The following AAGAB variants were observed in gnomAD, a reference collection of about 807,000 sequenced individuals.
AAGAB encodes the protein alpha and gamma adaptin binding protein.
A neutral mutation model predicts 44.1 loss-of-function variants in AAGAB; 38 were observed. That is an observed-to-expected ratio of 0.86 (90% CI 0.67 to 1.13). AAGAB has a LOEUF of 1.13. Among genes scored for constraint, AAGAB ranks in the 50% most tolerant of loss-of-function variants. The pLI, the probability that AAGAB is intolerant of heterozygous loss-of-function variation, is 0.00. For synonymous variants in AAGAB, 131 were observed against 131.8 expected (o/e 0.99, Z 0.04); for missense variants, 450 against 373.8 (o/e 1.20, Z -1.68).
chr15:67,202,868 C>T lies in AAGAB; in HGVS notation c.901G>A (p.Gly301Arg), dbSNP rs373958762. Reference protein sequence around the residue: ...VAKAFWMAIGGDRDEIEGLSS... With the variant: ...VAKAFWMAIGRDRDEIEGLSS... ...AGGCCTTCAATTTCATCTCTGTCTC[C>T]CCCGATTGCCATCCAGAATGCTTTG... The change falls in exon 10 of 10, where the codon GGA becomes AGA. Residue 301 changes from glycine (G) to arginine (R), a missense_variant. Coordinates refer to ENST00000261880, the MANE Select transcript of AAGAB (RefSeq NM_024666.5). The T allele has an allele frequency of 7.4e-6, 12 of 1,613,910 alleles. No homozygotes were observed. The highest frequency in any genetic ancestry group is 4.0e-5 in the African/African-American group (3 of 74,876).
At chr15:67,250,686 G>GT (rs1424838397) in intron 1 of AAGAB, among the ~76,000 whole-genome samples, 1 of 152,154 alleles carries the variant, frequency 6.6e-6, no homozygotes, top group Non-Finnish European at 1.5e-5. Context: ...CTCATATCGT[G>GT]TATTACAAGT....
intron 5 of AAGAB, among the ~76,000 whole-genome samples, chr15:67,226,457 T>C (rs1251754616): frequency 6.6e-6 from 1 of 152,200 alleles, no homozygotes; most frequent in African/African-American, 2.4e-5. Context: ...TACTGGCCAT[T>C]TGTGTATTTT....
chr15:67,237,506 A>C (rs1167886285), intron 1 of AAGAB, among the ~76,000 whole-genome samples: 1 of 152,218 alleles, frequency 6.6e-6, no homozygotes, highest in East Asian at 1.9e-4. Context: ...TCTTTTGGAA[A>C]TCTATGTGCA....
intron 7 of AAGAB, among the ~76,000 whole-genome samples, chr15:67,207,478 T>C (rs1167900051): frequency 6.6e-6 from 1 of 152,238 alleles, no homozygotes; most frequent in East Asian, 1.9e-4. Flanking sequence ...ATTTGTAACC[T>C]TTTTCCTCTG....
At chr15:67,215,304 T>G (rs548283742) in intron 5 of AAGAB, among the ~76,000 whole-genome samples, 1 of 152,214 alleles carries the variant, frequency 6.6e-6, no homozygotes, top group African/African-American at 2.4e-5. Flanking sequence ...TGCTGAAATA[T>G]CCGCTGAATG....
chr15:67,238,719 G>A (rs1020639386), intron 1 of AAGAB, among the ~76,000 whole-genome samples: 11 of 138,142 alleles, frequency 8.0e-5, no homozygotes, highest in East Asian at 2.4e-4. Context: ...TTTTTGAGAC[G>A]GAGTCTCGCT....
chr15:67,248,983 CAAGTT>C (rs1385337253), intron 1 of AAGAB, among the ~76,000 whole-genome samples: 1 of 152,114 alleles, frequency 6.6e-6, no homozygotes, highest in Admixed American at 6.5e-5. Context: ...AACATTAAGT[CAAGTT>C]AAGAAGCATT....
intron 1 of AAGAB, 138 bp from the exon 2 acceptor site, chr15:67,236,958 T>C (rs1044214534): frequency 1.1e-5 from 7 of 615,300 alleles, no homozygotes; most frequent in African/African-American, 7.4e-5. Flanking sequence ...CCTGCATTTA[T>C]TAGCTTTAAT....
intron 1 of AAGAB, among the ~76,000 whole-genome samples, chr15:67,246,790 A>G (rs1372709750): frequency 1.3e-5 from 2 of 152,022 alleles, no homozygotes; most frequent in Non-Finnish European, 2.9e-5. Context: ...AAACGCACCA[A>G]TCAGCACTCT....
intron 5 of AAGAB, among the ~76,000 whole-genome samples, chr15:67,223,579 T>A (rs1321859693): frequency 6.6e-6 from 1 of 152,124 alleles, no homozygotes; most frequent in South Asian, 2.1e-4. Flanking sequence ...ATCTGAGCCA[T>A]CACTCTCTTT....
chr15:67,242,844 G>A (rs567638359), intron 1 of AAGAB: 11 of 152,294 alleles, frequency 7.2e-5, no homozygotes, highest in African/African-American at 2.4e-4. Flanking sequence ...GAGTAGCATA[G>A]ACTTGCTGAG....
chr15:67,228,534 A>C (rs1185154425), intron 5 of AAGAB, among the ~76,000 whole-genome samples: 1 of 152,242 alleles, frequency 6.6e-6, no homozygotes, highest in East Asian at 1.9e-4. Context: ...TGGGACTGTA[A>C]ATTAGTTCAG....
chr15:67,254,867 C>G, upstream of AAGAB: 2 of 1,610,492 alleles, frequency 1.2e-6, no homozygotes, highest in East Asian at 4.5e-5. Flanking sequence ...AACCGCGCCT[C>G]CGCGGAGGTA....
At chr15:67,253,260 C>G (rs1964926403) in intron 1 of AAGAB, among the ~76,000 whole-genome samples, 1 of 81,876 alleles carries the variant, frequency 1.2e-5, no homozygotes, top group Non-Finnish European at 2.4e-5. Context: ...CCCCGTATGA[C>G]GGGGGGGGGG....
At chr15:67,222,282 A>ACACACACACACCCACACACACC (rs796412643) in intron 5 of AAGAB, among the ~76,000 whole-genome samples, 1 of 139,850 alleles carries the variant, frequency 7.2e-6, no homozygotes, top group Non-Finnish European at 1.6e-5. Context: ...ACACACACAC[A>ACACACACACACCCACACACACC]CCCTCCACCC....
chr15:67,217,291 T>G (rs1233103746), intron 5 of AAGAB, among the ~76,000 whole-genome samples: 1 of 152,192 alleles, frequency 6.6e-6, no homozygotes, highest in Non-Finnish European at 1.5e-5. Flanking sequence ...GTTAGGAAAC[T>G]GGGGTCCAGA....
intron 5 of AAGAB, among the ~76,000 whole-genome samples, chr15:67,229,949 T>C (rs550343652): frequency 1.3e-5 from 2 of 151,936 alleles, no homozygotes; most frequent in Admixed American, 1.3e-4. Context: ...CTGGTTCAAG[T>C]GATTCTCCTG....
intron 5 of AAGAB, among the ~76,000 whole-genome samples, chr15:67,230,792 G>A (rs188192398): frequency 4.4e-4 from 67 of 152,072 alleles, no homozygotes; most frequent in Admixed American, 7.9e-4. Context: ...CATTACCCCG[G>A]GCCCCAGCAC....
chr15:67,236,446 T>C lies in AAGAB; in HGVS notation c.323A>G (p.Glu108Gly). The stretch of plus-strand genomic sequence containing the variant: ...TCTATCGCAGACCAAGATCATCACC[T>C]CAGGTAACCATGCTTTTGCCAGTGG... ...WLPLAKAWLPEVMILVCDRVS... is the reference protein window; with the variant it reads ...WLPLAKAWLPGVMILVCDRVS... Residue 108 changes from glutamate (E) to glycine (G), a missense_variant, in exon 3 of 10, where the codon GAG becomes GGG. Glu to Gly is a moderately conservative substitution (Grantham distance 98). Transcript: ENST00000261880. The C allele has an allele frequency of 1.1e-5, 17 of 1,614,062 alleles. No individual in the cohort carries two copies. Among genetic ancestry groups the C allele is most frequent in the Non-Finnish European group, 1.4e-5 (16 of 1,180,004 alleles).
Sources: gnomAD v4.1 joint callset for allele counts (sites outside exome capture counted in the v4.1 genomes callset) on GRCh38, gnomAD v4.1.1 for gene constraint, MANE v1.5 for transcripts, NCBI Gene and HGNC (gene_info 2026-07-23, HGNC 2026-07-21) for gene names.